The following AGBL1 variants were observed in gnomAD, a reference collection of about 807,000 sequenced individuals.
AGBL1 encodes AGBL carboxypeptidase 1, also known as cytosolic carboxypeptidase 4.
In AGBL1, 130 loss-of-function variants were observed where a neutral mutation model predicts 118.9. That is an observed-to-expected ratio of 1.09 (90% CI 0.95 to 1.26). The LOEUF is 1.26. Ranked by LOEUF, AGBL1 falls within the 50% of genes most tolerant of loss-of-function variation. The probability of loss-of-function intolerance (pLI) is 0.00; values close to 1 mark genes in which losing one functional copy is unlikely to be tolerated. For missense variants in AGBL1, 1,584 were observed against 1,298.1 expected (o/e 1.22, Z -3.38); for synonymous variants, 555 against 478.9 (o/e 1.16, Z -2.08).
At chr15:86,425,370 C>A (rs1226324946) in intron 18 of AGBL1, among the ~76,000 whole-genome samples, 1 of 151,222 alleles carries the variant, frequency 6.6e-6, no homozygotes, top group African/African-American at 2.4e-5. Context: ...AGGGGAGTAT[C>A]ACACACCAAG....
chr15:86,878,719 A>G (rs992211069), intron 22 of AGBL1, among the ~76,000 whole-genome samples: 12 of 152,152 alleles, frequency 7.9e-5, no homozygotes, highest in African/African-American at 2.9e-4. Flanking sequence ...GTTTTCTGCA[A>G]TGCTTTATAG....
chr15:86,219,945 CTTTTTTTTTTTT>C (rs68023928), intron 5 of AGBL1, among the ~76,000 whole-genome samples: 2 of 85,772 alleles, frequency 2.3e-5, no homozygotes, highest in East Asian at 4.1e-4. Context: ...AATGCTGCCT[CTTTTTTTTTTTT>C]TTTTTTTTTT....
At position 86,264,352 on chromosome 15, in the gene AGBL1, A is replaced by T; in HGVS notation, c.1181A>T (p.His394Leu). ...HIPAAASSKQ[H>L]CYSKDQSSCG... ...CCAGCCGCTGCCTCCTCAAAACAGCATTGCTACAGCAAGGACCAAAGCTCC... is the reference window on the plus strand; with the variant it reads ...CCAGCCGCTGCCTCCTCAAAACAGCTTTGCTACAGCAAGGACCAAAGCTCC... The change falls in exon 11 of 23, where the codon CAT becomes CTT. Residue 394 changes from histidine (H) to leucine (L), a missense_variant. Transcript: ENST00000614907. 3 of 1,613,460 alleles carry T rather than the reference A, an allele frequency of 1.9e-6. No individual in the cohort carries two copies. The highest frequency in any genetic ancestry group is 1.7e-5 in the Admixed American group (1 of 59,944).
intron 1 of AGBL1, among the ~76,000 whole-genome samples, chr15:86,100,497 T>G (rs1361057407): frequency 3.3e-5 from 5 of 152,064 alleles, no homozygotes; most frequent in Admixed American, 3.3e-4. Context: ...CGTCTTTTGA[T>G]GGGAGACTTT....
intron 13 of AGBL1, among the ~76,000 whole-genome samples, chr15:86,268,889 G>A (rs2079113690): frequency 1.3e-5 from 2 of 152,230 alleles, no homozygotes; most frequent in South Asian, 4.1e-4. Context: ...GGGAGAGTAT[G>A]AATGGATTGG....
intron 22 of AGBL1, among the ~76,000 whole-genome samples, chr15:86,848,947 C>T (rs892294347): frequency 1.3e-5 from 2 of 152,130 alleles, no homozygotes; most frequent in African/African-American, 2.4e-5. Context: ...GGCAACCCTA[C>T]TGATGAGGAA....
Position 86,972,989 on chromosome 15 carries a change from G to C in AGBL1, c.3222-14998G>C, listed in dbSNP as rs74025715. On this transcript the variant is annotated intron_variant, in intron 23 of 24. Coordinates refer to the AGBL1 transcript ENST00000441037. The stretch of plus-strand genomic sequence containing the variant: ...GTATAGCTCGGTGGTTAAGAACAAA[G>C]AATTTGGATCAGACAAATTGGATTT... Among the ~76,000 whole-genome samples the C allele has an allele frequency of 2.7e-3, 410 of 151,886 alleles. 1 individual carries two copies. The highest frequency in any genetic ancestry group is 9.1e-3 in the African/African-American group (377 of 41,444).
intron 18 of AGBL1, among the ~76,000 whole-genome samples, chr15:86,444,699 G>T (rs1422136265): frequency 6.6e-6 from 1 of 152,090 alleles, no homozygotes; most frequent in Non-Finnish European, 1.5e-5. Context: ...AGAGCGTGCT[G>T]GGAGTCAGCA....
intron 19 of AGBL1, among the ~76,000 whole-genome samples, chr15:86,527,907 T>C (rs112991897): frequency 1.6e-3 from 240 of 152,266 alleles, no homozygotes; most frequent in African/African-American, 5.5e-3. Context: ...CATCCATATA[T>C]CTGTCCATCC....
In AGBL1 at chr15:86,961,690, T is replaced by C. The variant is rs541474634; in HGVS notation, c.3222-26297T>C. Among the ~76,000 whole-genome samples the C allele has an allele frequency of 1.2e-4, 19 of 152,180 alleles. No homozygotes were observed. The East Asian group carries it at 3.7e-3, about 30-fold the overall frequency. On this transcript the variant is annotated intron_variant, in intron 23 of 24. Transcript: ENST00000441037. ...CCTCGATCCTCTGTATCTCCCATGT[T>C]CTGTGGGTCAGGCCGGGGGCTCAGA...
chr15:86,489,930 TA>T (rs1441918761), intron 18 of AGBL1, among the ~76,000 whole-genome samples: 1 of 152,056 alleles, frequency 6.6e-6, no homozygotes, highest in Non-Finnish European at 1.5e-5. Flanking sequence ...GTTATGTGCT[TA>T]AAAAGAAACA....
chr15:86,894,775 G>C (rs374178608), intron 22 of AGBL1, among the ~76,000 whole-genome samples: 24 of 152,274 alleles, frequency 1.6e-4, no homozygotes, highest in African/African-American at 5.5e-4. Flanking sequence ...TAGTCAAAGA[G>C]AGTGGTCCAA....
At chr15:86,270,422 A>C (rs145593234) in intron 14 of AGBL1, among the ~76,000 whole-genome samples, 4 of 152,324 alleles carry the variant, frequency 2.6e-5, no homozygotes, top group African/African-American at 9.6e-5. Context: ...GTAGAGGAAC[A>C]ACAAAATCCA....
At chr15:86,219,869 G>A (rs1348023538) in intron 5 of AGBL1, among the ~76,000 whole-genome samples, 1 of 145,460 alleles carries the variant, frequency 6.9e-6, no homozygotes, top group Non-Finnish European at 1.5e-5. Flanking sequence ...CTAGAATTAT[G>A]TTAAAAGTAG....
At chr15:86,703,232 A>G (rs1334695618) in intron 22 of AGBL1, among the ~76,000 whole-genome samples, 1 of 152,170 alleles carries the variant, frequency 6.6e-6, no homozygotes, top group Non-Finnish European at 1.5e-5. Flanking sequence ...TTAAATGCCT[A>G]GACGAATAGA....
At chr15:86,512,898 C>G (rs1477779144) in intron 18 of AGBL1, among the ~76,000 whole-genome samples, 2 of 150,394 alleles carry the variant, frequency 1.3e-5, no homozygotes, top group African/African-American at 2.4e-5. Context: ...TGAGTTTTTC[C>G]AGTTATTATT....
chr15:86,976,513 C>T (rs1219770811), intron 23 of AGBL1, among the ~76,000 whole-genome samples: 1 of 151,932 alleles, frequency 6.6e-6, no homozygotes, highest in Non-Finnish European at 1.5e-5. Flanking sequence ...CTAGAATAAA[C>T]AACTGTTTTG....
chr15:86,851,686 C>G (rs747384484), intron 22 of AGBL1, among the ~76,000 whole-genome samples: 1 of 152,118 alleles, frequency 6.6e-6, no homozygotes, highest in South Asian at 2.1e-4. Flanking sequence ...GAATCTGGGC[C>G]TAGGCATGGG....
chr15:86,500,439 G>T (rs115366069), intron 18 of AGBL1, among the ~76,000 whole-genome samples: 2,034 of 151,834 alleles, frequency 0.013, 43 homozygotes, highest in African/African-American at 0.046. Context: ...GTAATTAAGG[G>T]GCTAATGTAT....
Sources: gnomAD v4.1 joint callset for allele counts (sites outside exome capture counted in the v4.1 genomes callset) on GRCh38, gnomAD v4.1.1 for gene constraint, MANE v1.5 for transcripts, NCBI Gene and HGNC (gene_info 2026-07-23, HGNC 2026-07-21) for gene names.